SMAD9: variants seen among roughly 807,000 people sequenced by gnomAD.
SMAD9 encodes the protein MAD homolog 9.
Under a neutral mutation model 46.1 loss-of-function variants are expected in SMAD9, and 36 were observed. That is an observed-to-expected ratio of 0.78 (90% CI 0.60 to 1.03). The LOEUF (loss-of-function observed/expected upper bound fraction) is 1.03, where lower values mean the gene tolerates loss of function less well. SMAD9 is among the 50% of genes least tolerant of loss of function. The pLI, the probability that SMAD9 is intolerant of heterozygous loss-of-function variation, is 0.00. For synonymous variants in SMAD9, 245 were observed against 237.1 expected (o/e 1.03, Z -0.31); for missense variants, 572 against 599.8 (o/e 0.95, Z 0.48).
At position 36,863,041 on chromosome 13, in the gene SMAD9, A is replaced by T. The variant is rs113665561; in HGVS notation, c.1003+2496T>A. Among the ~76,000 whole-genome samples the T allele has an allele frequency of 9.3e-3, 1,422 of 152,300 alleles. 27 individuals are homozygous for T. Among genetic ancestry groups the T allele is most frequent in the African/African-American group, 0.033 (1,361 of 41,560 alleles). On this transcript the variant is annotated intron_variant, in intron 5 of 6. Coordinates refer to ENST00000379826, the MANE Select transcript of SMAD9 (RefSeq NM_001127217.3). ...AGTACTCGTGAGATGAATGCATATT[A>T]CTAAAACCTAATGTCTGTTAACTAA...
At chr13:36,852,544 C>T (rs1298951485) in intron 6 of SMAD9, 1 of 984,682 alleles carries the variant, frequency 1.0e-6, no homozygotes, top group African/African-American at 1.7e-5. Context: ...ATGAGAAATT[C>T]AACAAATATT....
At chr13:36,919,745 G>A (rs2058727104) in intron 1 of SMAD9, among the ~76,000 whole-genome samples, 1 of 147,096 alleles carries the variant, frequency 6.8e-6, no homozygotes, top group Non-Finnish European at 1.5e-5. Flanking sequence ...GGCCCGCGGC[G>A]CGGGCGGATG....
chr13:36,894,120 A>T (rs1167159153), intron 1 of SMAD9, among the ~76,000 whole-genome samples: 1 of 152,184 alleles, frequency 6.6e-6, no homozygotes, highest in Non-Finnish European at 1.5e-5. Flanking sequence ...ATGAATAAGA[A>T]TGTTAAGAAC....
chr13:36,850,672 C>T (rs1404495000), intron 6 of SMAD9, among the ~76,000 whole-genome samples: 1 of 152,224 alleles, frequency 6.6e-6, no homozygotes, highest in African/African-American at 2.4e-5. Context: ...AGCCACCACG[C>T]CCGGCTCTTC....
rs531615840 is a variant in SMAD9 at position 36,899,679 on chromosome 13, G to T, written c.-186-19804C>A. ...CAAAATGGAATTCAGTTGGTAGGTG[G>T]GTTCAGGGTCTGGAGCTCAAAGAAG... On this transcript the variant is annotated intron_variant, in intron 1 of 6. Coordinates refer to ENST00000379826, the MANE Select transcript of SMAD9 (RefSeq NM_001127217.3). Among the ~76,000 whole-genome samples the T allele has an allele frequency of 1.5e-4, 23 of 152,272 alleles. No individual in the cohort carries two copies. The South Asian group carries it at 4.6e-3, about 30-fold the overall frequency.
chr13:36,867,526 C>T lies in SMAD9; in HGVS notation c.671-143G>A. On this transcript the variant is annotated intron_variant, in intron 3 of 6. Transcript: ENST00000379826. ...GAGAGACCATATTAATGTAACAAGG[C>T]TCTTCTGAAGTGACACTGTGAGTAC... is the stretch of plus-strand genomic sequence containing the variant. 3 of 554,708 alleles carry T rather than the reference C, an allele frequency of 5.4e-6. No individual in the cohort carries two copies. In the South Asian group the frequency reaches 8.7e-5, roughly 16 times the overall value. 34.4% of individuals were successfully genotyped at this position (554,708 alleles called of 1,614,324 possible).
At chr13:36,893,721 C>G (rs531614503) in intron 1 of SMAD9, among the ~76,000 whole-genome samples, 1 of 151,562 alleles carries the variant, frequency 6.6e-6, no homozygotes, top group Non-Finnish European at 1.5e-5. Context: ...GAAATAAAAA[C>G]TAAATATCCT....
At chr13:36,900,847 T>C (rs1006324231) in intron 1 of SMAD9, among the ~76,000 whole-genome samples, 10 of 152,204 alleles carry the variant, frequency 6.6e-5, no homozygotes, top group African/African-American at 2.4e-4. Context: ...AATCACAGTG[T>C]TATGTAACCA....
rs1215922070 is a variant in SMAD9, at chr13:36,846,062, T to C, written c.*2614A>G. 6.6e-6 allele frequency: 1 copy of C among 152,058 alleles called. No homozygotes were observed. The highest frequency in any genetic ancestry group is 2.4e-5 in the African/African-American group (1 of 41,426). The allele number at this position is 152,058 out of a possible 1,614,324, so 9.4% of individuals were successfully genotyped here. ...ACAGCCCCAAACTCCTGGGCTCAGA[T>C]GATCCTCCCGCCTTGGCCTCCCAAA... On this transcript the variant is annotated 3_prime_UTR_variant, in exon 7 of 7. Transcript: ENST00000379826.
At chr13:36,906,547 C>A (rs2058621509) in intron 1 of SMAD9, among the ~76,000 whole-genome samples, 1 of 151,950 alleles carries the variant, frequency 6.6e-6, no homozygotes, top group African/African-American at 2.4e-5. Flanking sequence ...TAAAACTCAA[C>A]AACAACAAAA....
At chr13:36,855,251 CAAAAA>C in intron 5 of SMAD9, among the ~76,000 whole-genome samples, 1 of 45,966 alleles carries the variant, frequency 2.2e-5, no homozygotes, top group Non-Finnish European at 4.4e-5. Context: ...GAGTCCATCT[CAAAAA>C]AAAAAAAAAA....
chr13:36,850,644 G>A (rs939067253), intron 6 of SMAD9, among the ~76,000 whole-genome samples: 3 of 152,188 alleles, frequency 2.0e-5, no homozygotes, highest in Non-Finnish European at 4.4e-5. Flanking sequence ...CTCCCAAAGT[G>A]CTGGGATTAC....
intron 1 of SMAD9, among the ~76,000 whole-genome samples, chr13:36,880,522 G>A (rs947365768): frequency 2.0e-5 from 3 of 152,176 alleles, no homozygotes; most frequent in Non-Finnish European, 4.4e-5. Flanking sequence ...CACCACTCCT[G>A]GACAGCCATT....
intron 1 of SMAD9, among the ~76,000 whole-genome samples, chr13:36,917,504 G>A (rs879336221): frequency 3.3e-5 from 5 of 151,916 alleles, no homozygotes; most frequent in African/African-American, 9.7e-5. Context: ...AAGATTCATG[G>A]TTTCAACGTA....
At chr13:36,858,550 C>T (rs867133365) in intron 5 of SMAD9, among the ~76,000 whole-genome samples, 3 of 152,184 alleles carry the variant, frequency 2.0e-5, no homozygotes, top group African/African-American at 4.8e-5. Flanking sequence ...CTGTACTACA[C>T]GGCATGTCCC....
intron 1 of SMAD9, among the ~76,000 whole-genome samples, chr13:36,913,088 ATT>A (rs529461391): frequency 5.2e-4 from 79 of 151,942 alleles, no homozygotes; most frequent in Admixed American, 2.2e-3. Context: ...CTTATTTTTT[ATT>A]TGTGTTATTT....
At chr13:36,887,817 T>A (rs2058459845) in intron 1 of SMAD9, among the ~76,000 whole-genome samples, 1 of 152,044 alleles carries the variant, frequency 6.6e-6, no homozygotes, top group Non-Finnish European at 1.5e-5. Flanking sequence ...ACAGGCAGGT[T>A]TGTCTATCTG....
chr13:36,887,796 C>T (rs993571535), intron 1 of SMAD9, among the ~76,000 whole-genome samples: 5 of 152,130 alleles, frequency 3.3e-5, no homozygotes, highest in South Asian at 4.2e-4. Flanking sequence ...GAGGAGTAAA[C>T]GGGAGCAGAT....
rs599236 is a variant in SMAD9 at position 36,911,624 on chromosome 13, G to T, written c.-187+8492C>A. Among the ~76,000 whole-genome samples, 6 of 123,240 alleles carry T rather than the reference G, an allele frequency of 4.9e-5. 1 individual carries two copies. Among genetic ancestry groups the T allele is most frequent in the Non-Finnish European group, 5.2e-5 (3 of 57,818 alleles). The allele number at this position is 123,240 out of a possible 152,430, so 80.9% of individuals were successfully genotyped here. ...CCGGCCAAAGGCTGCCTGGGGGGGG[G>T]GGGGGCGGGTGGAGTTCATAAACTG... On this transcript the variant is annotated intron_variant, in intron 1 of 6. Coordinates refer to ENST00000379826, the MANE Select transcript of SMAD9 (RefSeq NM_001127217.3).
Sources: allele counts gnomAD v4.1 joint callset (sites outside exome capture counted in the v4.1 genomes callset), GRCh38; gene constraint gnomAD v4.1.1; transcripts MANE v1.5; gene names NCBI Gene and HGNC (gene_info 2026-07-23, HGNC 2026-07-21).